KIAA1217: variants seen among roughly 807,000 people sequenced by gnomAD.
KIAA1217 encodes KIAA1217.
A neutral mutation model predicts 163.9 loss-of-function variants in KIAA1217; 88 were observed. That is an observed-to-expected ratio of 0.54 (90% confidence interval 0.45 to 0.64). The LOEUF is 0.64. Ranked by LOEUF, KIAA1217 falls within the 30% of genes least tolerant of loss-of-function variation. The pLI, the probability that KIAA1217 is intolerant of heterozygous loss-of-function variation, is 0.00. For synonymous variants in KIAA1217, 903 were observed against 923.1 expected (o/e 0.98, Z 0.39); for missense variants, 2,372 against 2,475.0 (o/e 0.96, Z 0.88).
rs568995756 is a variant in KIAA1217 at position 23,987,603 on chromosome 10, TTGTG to T, written c.-320-19604_-320-19601del. On this transcript the variant is annotated intron_variant, in intron 1 of 18. Transcript: ENST00000376462. Reference sequence around the variant, plus strand: ...TGTATTCATTACCTCACATTCTTATTTGTGTGTGTGTGTGTGTGTGTATGTGTAC... The same window carrying T: ...TGTATTCATTACCTCACATTCTTATTTGTGTGTGTGTGTGTGTATGTGTAC... Among the ~76,000 whole-genome samples, 8 of 121,266 alleles carry T rather than the reference TTGTG, an allele frequency of 6.6e-5. No individual in the cohort carries two copies. The East Asian group carries it at 1.1e-3, about 17-fold the overall frequency. The allele number at this position is 121,266 out of a possible 152,430, so 79.6% of individuals were successfully genotyped here. A position where few individuals can be genotyped will look rare whatever the true frequency, so the allele number is the denominator to read the frequency against.
chr10:24,501,729 CTTTTTTTTTTTTTTTTT>C (rs71397953), intron 9 of KIAA1217, among the ~76,000 whole-genome samples, 184 bp downstream of exon 9: 10 of 51,508 alleles, frequency 1.9e-4, no homozygotes, highest in South Asian at 9.6e-4. Context: ...ATAACCACTT[CTTTTTTTTTTTTTTTTT>C]TTTTTTTTTT....
rs781615002 is a variant in KIAA1217, at chr10:24,521,853, AAGG to A, written c.2386_2388del (p.Glu796del). The A allele has an allele frequency of 6.2e-7, 1 of 1,613,906 alleles. No individual in the cohort carries two copies. The highest frequency in any genetic ancestry group is 1.1e-5 in the South Asian group (1 of 91,078). Reference sequence around the variant, plus strand: ...AGAAGTGGAGGCCGTGCGGTTTCTGAAGGAGGAGCCACACAAGCTGGACAGTCT... The same window carrying A: ...AGAAGTGGAGGCCGTGCGGTTTCTGAAGGAGCCACACAAGCTGGACAGTCT... On this transcript the variant is annotated inframe_deletion, in exon 12 of 21. Coordinates refer to ENST00000376454, the MANE Select transcript of KIAA1217 (RefSeq NM_019590.5).
chr10:23,778,187 C>G (rs118085956), intron 1 of KIAA1217, among the ~76,000 whole-genome samples: 1,588 of 152,240 alleles, frequency 0.01, 47 homozygotes, highest in African/African-American at 0.031. Context: ...GATTCCCCCC[C>G]CTTCGGCCTC....
chr10:23,805,592 G>A (rs1836696147), intron 1 of KIAA1217, among the ~76,000 whole-genome samples: 1 of 152,068 alleles, frequency 6.6e-6, no homozygotes, highest in Admixed American at 6.6e-5. Flanking sequence ...TAATACCTGG[G>A]TGATAACATA....
intron 1 of KIAA1217, among the ~76,000 whole-genome samples, chr10:23,884,842 A>C (rs1351668345): frequency 6.6e-6 from 1 of 151,956 alleles, no homozygotes; most frequent in Non-Finnish European, 1.5e-5. Context: ...TCTTGGGAAC[A>C]GTAGAGGGTC....
At chr10:24,338,759 CCTTT>C (rs1271470872) in intron 2 of KIAA1217, among the ~76,000 whole-genome samples, 1 of 151,852 alleles carries the variant, frequency 6.6e-6, no homozygotes, top group African/African-American at 2.4e-5. Context: ...AAGATTATTT[CCTTT>C]ATTTGTTTTT....
intron 1 of KIAA1217, among the ~76,000 whole-genome samples, chr10:23,699,210 C>T (rs979765330): frequency 2.0e-4 from 30 of 152,206 alleles, no homozygotes; most frequent in Admixed American, 1.8e-3. Flanking sequence ...CTCCCAGTTT[C>T]AGACACGGGC....
At chr10:24,410,285 C>A (rs955819098) in intron 3 of KIAA1217, among the ~76,000 whole-genome samples, 1 of 152,192 alleles carries the variant, frequency 6.6e-6, no homozygotes, top group Non-Finnish European at 1.5e-5. Context: ...TGTGAGTCAC[C>A]ATGCCTGGCC....
chr10:24,263,199 C>T (rs748116121), intron 2 of KIAA1217, among the ~76,000 whole-genome samples: 3 of 152,150 alleles, frequency 2.0e-5, no homozygotes, highest in Non-Finnish European at 4.4e-5. Context: ...TAAATACTCA[C>T]GGAAGATTAG....
At chr10:24,329,567 T>A (rs1378562937) in intron 2 of KIAA1217, among the ~76,000 whole-genome samples, 2 of 152,136 alleles carry the variant, frequency 1.3e-5, no homozygotes, top group Non-Finnish European at 2.9e-5. Context: ...CAATGGGAAG[T>A]TGAGCATGAA....
At chr10:24,511,370 C>T (rs1186660034) in intron 9 of KIAA1217, among the ~76,000 whole-genome samples, 18 of 151,902 alleles carry the variant, frequency 1.2e-4, no homozygotes, top group Non-Finnish European at 2.4e-4. Flanking sequence ...TGGCTGGGCA[C>T]GGTGGCTCAT....
chr10:24,458,534 G>C lies in KIAA1217; in HGVS notation c.847-14694G>C, dbSNP rs559480426. Among the ~76,000 whole-genome samples the C allele has an allele frequency of 2.0e-5, 3 of 152,208 alleles. No individual in the cohort carries two copies. In the South Asian group the frequency reaches 6.2e-4, roughly 32 times the overall value. On this transcript the variant is annotated intron_variant, in intron 5 of 20. Coordinates refer to ENST00000376454, the MANE Select transcript of KIAA1217 (RefSeq NM_019590.5). The stretch of plus-strand genomic sequence containing the variant: ...TCCTTTGAAGAGGATTCAAAGGTCA[G>C]ACCTCCACACTGATTTCTTAACACT...
At chr10:23,916,360 G>A (rs1842632489) in intron 1 of KIAA1217, among the ~76,000 whole-genome samples, 1 of 152,154 alleles carries the variant, frequency 6.6e-6, no homozygotes, top group Non-Finnish European at 1.5e-5. Context: ...CTGGCTCTAA[G>A]CAAATCTTCC....
At chr10:24,352,346 A>G (rs1401166281) in intron 2 of KIAA1217, among the ~76,000 whole-genome samples, 1 of 152,166 alleles carries the variant, frequency 6.6e-6, no homozygotes, top group Non-Finnish European at 1.5e-5. Context: ...AATCGTGAAT[A>G]TTTTTGCATG....
At chr10:23,831,974 A>G (rs1838224441) in intron 1 of KIAA1217, among the ~76,000 whole-genome samples, 1 of 152,142 alleles carries the variant, frequency 6.6e-6, no homozygotes, top group African/African-American at 2.4e-5. Flanking sequence ...TTCTGTGACC[A>G]GATGTGTGCA....
intron 1 of KIAA1217, among the ~76,000 whole-genome samples, chr10:23,714,094 A>T (rs958700880): frequency 3.3e-5 from 5 of 152,072 alleles, no homozygotes; most frequent in African/African-American, 1.2e-4. Context: ...CAAGTTCAGG[A>T]TCTGAACATA....
intron 1 of KIAA1217, among the ~76,000 whole-genome samples, chr10:24,213,956 C>T (rs2068484067): frequency 6.6e-6 from 1 of 151,320 alleles, no homozygotes; most frequent in African/African-American, 2.4e-5. Flanking sequence ...TTCTAGACCA[C>T]CCTGGGCAAC....
intron 2 of KIAA1217, among the ~76,000 whole-genome samples, chr10:24,019,484 G>T (rs529100446): frequency 9.2e-5 from 14 of 151,706 alleles, no homozygotes; most frequent in Non-Finnish European, 2.1e-4. Flanking sequence ...AGCATTTGAA[G>T]AAAAAGAAAA....
chr10:24,404,340 G>A (rs2056931080), intron 3 of KIAA1217, among the ~76,000 whole-genome samples: 1 of 152,114 alleles, frequency 6.6e-6, no homozygotes, highest in South Asian at 2.1e-4. Context: ...AGGCCAAGGT[G>A]GGCACATCAC....
Sources: allele counts gnomAD v4.1 joint callset (sites outside exome capture counted in the v4.1 genomes callset), GRCh38; gene constraint gnomAD v4.1.1; transcripts MANE v1.5; gene names NCBI Gene and HGNC (gene_info 2026-07-23, HGNC 2026-07-21).